LDAH: variants seen among roughly 807,000 people sequenced by gnomAD.
LDAH encodes the protein lipid droplet associated hydrolase, also known as lipid droplet-associated hydrolase.
A neutral mutation model predicts 29.6 loss-of-function variants in LDAH; 26 were observed. The observed-to-expected ratio is 0.88, with a 90% CI of 0.64 to 1.22. The LOEUF (loss-of-function observed/expected upper bound fraction) is 1.22. Ranked by LOEUF, LDAH falls within the 50% of genes most tolerant of loss-of-function variation. LDAH has a pLI of 0.00. For synonymous variants in LDAH, 117 were observed against 133.0 expected, an observed-to-expected ratio of 0.88 and a Z score of 0.83; for missense variants, 344 against 387.3, an observed-to-expected ratio of 0.89 and a Z score of 0.94.
chr2:20,789,652 T>C (rs1670809240), intron 3 of LDAH, among the ~76,000 whole-genome samples: 1 of 152,112 alleles, frequency 6.6e-6, no homozygotes, highest in South Asian at 2.1e-4. Flanking sequence ...ACATGGTTTA[T>C]AAAAGGGGTT....
chr2:20,686,091 C>A lies in LDAH; in HGVS notation c.*812G>T, dbSNP rs1261997115. 2 of 156,970 alleles carry A rather than the reference C, an allele frequency of 1.3e-5. No individual in the cohort carries two copies. The highest frequency in any genetic ancestry group is 1.9e-4 in the South Asian group (1 of 5,246). The allele number at this position is 156,970 out of a possible 1,614,324, so 9.7% of individuals were successfully genotyped here. A position where few individuals can be genotyped will look rare whatever the true frequency, so the allele number is the denominator to read the frequency against. ...AAGAATTACAGAAGGAGCAACTGTA[C>A]GTTGGCACATCCAAGCCTGCTTTGG... On this transcript the variant is annotated 3_prime_UTR_variant, in exon 7 of 7. Coordinates refer to ENST00000237822, the MANE Select transcript of LDAH (RefSeq NM_021925.4).
intron 4 of LDAH, among the ~76,000 whole-genome samples, chr2:20,753,388 C>T (rs549193231): frequency 6.6e-6 from 1 of 152,110 alleles, no homozygotes; most frequent in East Asian, 1.9e-4. Context: ...ATACAGGCGA[C>T]TGGAATAATC....
chr2:20,750,304 G>A (rs1183019472), intron 4 of LDAH, among the ~76,000 whole-genome samples: 1 of 152,142 alleles, frequency 6.6e-6, no homozygotes, highest in Non-Finnish European at 1.5e-5. Flanking sequence ...GGGATTACAG[G>A]CGTGAGCCAC....
At chr2:20,806,102 T>C (rs1292031064) in intron 1 of LDAH, among the ~76,000 whole-genome samples, 1 of 152,158 alleles carries the variant, frequency 6.6e-6, no homozygotes, top group Non-Finnish European at 1.5e-5. Context: ...TTAAGGTTTG[T>C]GTTGCAATGT....
intron 4 of LDAH, among the ~76,000 whole-genome samples, chr2:20,772,333 T>C (rs1669489006): frequency 6.6e-6 from 1 of 152,226 alleles, no homozygotes; most frequent in Non-Finnish European, 1.5e-5. Flanking sequence ...TTTTAATGTT[T>C]TTAAAGTGTT....
In LDAH at chr2:20,685,433, C is replaced by T. The variant is rs2149317703; in HGVS notation, c.*1470G>A. On this transcript the variant is annotated 3_prime_UTR_variant, in exon 7 of 7. Transcript: ENST00000237822. ...CTTACGGCCTATGTATCTATTAGCTCTTCCCCTTGGGCTAACAGCACTCCT... is the reference window on the plus strand; with the variant it reads ...CTTACGGCCTATGTATCTATTAGCTTTTCCCCTTGGGCTAACAGCACTCCT... 6 of 1,362,256 alleles carry T rather than the reference C, an allele frequency of 4.4e-6. No homozygotes were observed. The East Asian group carries it at 7.5e-5, about 17-fold the overall frequency. The allele number at this position is 1,362,256 out of a possible 1,614,324, so 84.4% of individuals were successfully genotyped here.
intron 4 of LDAH, among the ~76,000 whole-genome samples, chr2:20,750,107 C>T (rs559953625): frequency 2.0e-5 from 3 of 149,648 alleles, no homozygotes. Context: ...CTCACTGCAA[C>T]CACCACCTCC....
At chr2:20,735,603 A>AT (rs899670043) in intron 5 of LDAH, among the ~76,000 whole-genome samples, 19 of 149,446 alleles carry the variant, frequency 1.3e-4, no homozygotes, top group South Asian at 2.1e-4. Flanking sequence ...GTTGGCATTG[A>AT]TTTTTTTTTT....
At chr2:20,735,188 G>A (rs1461163851) in intron 5 of LDAH, among the ~76,000 whole-genome samples, 1 of 152,096 alleles carries the variant, frequency 6.6e-6, no homozygotes, top group East Asian at 1.9e-4. Flanking sequence ...GGGAGTTTTT[G>A]ACCATTATTT....
intron 3 of LDAH, among the ~76,000 whole-genome samples, chr2:20,780,849 T>G (rs1670146903): frequency 6.6e-6 from 1 of 152,070 alleles, no homozygotes; most frequent in African/African-American, 2.4e-5. Context: ...GCCCTGAGAG[T>G]TGATTGATTG....
At chr2:20,780,024 T>C (rs1032511575) in intron 3 of LDAH, among the ~76,000 whole-genome samples, 4 of 152,190 alleles carry the variant, frequency 2.6e-5, no homozygotes, top group Non-Finnish European at 5.9e-5. Context: ...ACAACTGTCC[T>C]GAGGTTACTA....
intron 3 of LDAH, among the ~76,000 whole-genome samples, chr2:20,789,886 T>G (rs943067764): frequency 6.6e-6 from 1 of 152,122 alleles, no homozygotes; most frequent in Non-Finnish European, 1.5e-5. Context: ...CCCTCCCCAG[T>G]CTGTGGAAAA....
At chr2:20,779,573 T>C (rs184875763) in intron 3 of LDAH, among the ~76,000 whole-genome samples, 2 of 152,126 alleles carry the variant, frequency 1.3e-5, no homozygotes, top group Admixed American at 6.5e-5. Context: ...TATATATAAC[T>C]ACAAACATAA....
chr2:20,783,167 T>A (rs1188782942), intron 3 of LDAH, among the ~76,000 whole-genome samples: 1 of 152,232 alleles, frequency 6.6e-6, no homozygotes, highest in African/African-American at 2.4e-5. Context: ...AATTCCACTG[T>A]GGTCTAAGAG....
At chr2:20,773,744 G>A (rs1332717976) in intron 4 of LDAH, among the ~76,000 whole-genome samples, 3 of 152,176 alleles carry the variant, frequency 2.0e-5, no homozygotes. Flanking sequence ...TAAGAAGCAA[G>A]CAGGTGAAGC....
intron 1 of LDAH, among the ~76,000 whole-genome samples, chr2:20,821,761 AT>A (rs2125185143): frequency 6.6e-6 from 1 of 152,364 alleles, no homozygotes; most frequent in African/African-American, 2.4e-5. Flanking sequence ...AACTTAAAGT[AT>A]AATTTTAAAA....
intron 1 of LDAH, among the ~76,000 whole-genome samples, chr2:20,805,835 C>G (rs939207750): frequency 6.6e-6 from 1 of 151,780 alleles, no homozygotes; most frequent in Non-Finnish European, 1.5e-5. Context: ...CATATAAAGT[C>G]ATGGGCTGAT....
chr2:20,754,138 A>C (rs1048024871), intron 4 of LDAH, among the ~76,000 whole-genome samples: 1 of 152,008 alleles, frequency 6.6e-6, no homozygotes, highest in Non-Finnish European at 1.5e-5. Flanking sequence ...AGAGGAGGAT[A>C]TTGACATGAA....
At chr2:20,817,414 A>C (rs182709097) in intron 1 of LDAH, among the ~76,000 whole-genome samples, 2 of 152,010 alleles carry the variant, frequency 1.3e-5, no homozygotes, top group Admixed American at 6.6e-5. Context: ...TACAAAACAA[A>C]CAAGCAAAAA....
Sources: allele counts gnomAD v4.1 joint callset (sites outside exome capture counted in the v4.1 genomes callset), GRCh38; gene constraint gnomAD v4.1.1; transcripts MANE v1.5; gene names NCBI Gene and HGNC (gene_info 2026-07-23, HGNC 2026-07-21).